NLGN4X: variants seen among roughly 807,000 people sequenced by gnomAD.
NLGN4X encodes the protein neuroligin 4 X-linked.
NLGN4X carries 3 observed loss-of-function variants against 40.3 expected under a neutral mutation model. The ratio of observed to expected loss-of-function variants is 0.07; its 90% confidence interval spans 0.03 to 0.19. The LOEUF is 0.19. NLGN4X is among the 10% of genes least tolerant of loss of function. The probability of loss-of-function intolerance (pLI) is 1.00; values close to 1 mark genes in which losing one functional copy is unlikely to be tolerated. For missense variants in NLGN4X, 382 were observed against 708.3 expected (o/e 0.54, Z 5.23); for synonymous variants, 270 against 306.8 (o/e 0.88, Z 1.25).
At position 5,903,722 on chromosome X, in the gene NLGN4X, C is replaced by T. The variant is rs780881503; in HGVS notation, c.956G>A (p.Arg319Gln). 3.4e-5 allele frequency: 41 copies of T among 1,209,804 alleles called. No homozygotes were observed. The highest frequency in any genetic ancestry group is 8.8e-5 in the South Asian group (5 of 56,776). Residue 319 changes from arginine to glutamine, a missense_variant, in exon 5 of 6, where the codon CGG (arginine) becomes CAG (glutamine). Arg to Gln is a conservative substitution (Grantham distance 43). Transcript: ENST00000381095. ...LDTTDMVECL[R>Q]NKNYKELIQQ... ...GATGAGCTCCTTGTAGTTCTTGTTC[C>T]GCAGGCATTCTACCATGTCCGTGGT...
At chrX:6,015,738 G>A (rs1002202736) in intron 3 of NLGN4X, among the ~76,000 whole-genome samples, 2 of 111,511 alleles carry the variant, frequency 1.8e-5, no homozygotes, top group African/African-American at 6.5e-5. Context: ...ATCTGTCCCG[G>A]CATCCTTATA....
At chrX:5,955,099 A>T (rs934797246) in intron 3 of NLGN4X, among the ~76,000 whole-genome samples, 1 of 112,400 alleles carries the variant, frequency 8.9e-6, no homozygotes, top group African/African-American at 3.2e-5. Flanking sequence ...ACTTCACAAT[A>T]TCGAAAGTAG....
chrX:6,083,182 T>C (rs1485414454), intron 2 of NLGN4X, among the ~76,000 whole-genome samples: 9 of 99,415 alleles, frequency 9.1e-5, no homozygotes, highest in African/African-American at 1.5e-4. Context: ...ATGGTCTTGA[T>C]CTCCTGACCT....
At position 6,105,050 on chromosome X, in the gene NLGN4X, G is replaced by A. The variant is rs2039003742; in HGVS notation, c.472+45945C>T. ...TTAATCAACATTATTTTACAAACGT[G>A]AAAGTGTATTATCTCCTTTTTTTTT... is the stretch of plus-strand genomic sequence containing the variant. On this transcript the variant is annotated intron_variant, in intron 2 of 5. Coordinates refer to ENST00000381095, the MANE Select transcript of NLGN4X (RefSeq NM_181332.3). Among the ~76,000 whole-genome samples, 4 of 106,732 alleles carry A rather than the reference G, an allele frequency of 3.7e-5. No individual in the cohort carries two copies. The Admixed American group carries it at 4.1e-4, about 11-fold the overall frequency. The allele number at this position is 106,732 out of a possible 115,157, so 92.7% of individuals were successfully genotyped here. A position where few individuals can be genotyped will look rare whatever the true frequency, so the allele number is the denominator to read the frequency against.
intron 1 of NLGN4X, among the ~76,000 whole-genome samples, chrX:6,169,306 A>G (rs1003040510): frequency 4.4e-5 from 5 of 112,955 alleles, no homozygotes; most frequent in African/African-American, 1.6e-4. Context: ...TTAACAACAC[A>G]AAGAACTACA....
intron 2 of NLGN4X, among the ~76,000 whole-genome samples, chrX:6,033,058 G>A (rs1224096131): frequency 9.0e-6 from 1 of 110,791 alleles, no homozygotes; most frequent in Admixed American, 9.6e-5. Flanking sequence ...AAATGCTAAC[G>A]TGAGTTGTTT....
intron 1 of NLGN4X, chrX:6,226,954 C>G (rs955939240): frequency 8.2e-6 from 1 of 122,526 alleles, no homozygotes; most frequent in Non-Finnish European, 1.7e-5. Context: ...CAGCCGCGGC[C>G]TTGGGGAGGG....
intron 2 of NLGN4X, among the ~76,000 whole-genome samples, chrX:6,031,916 G>A (rs2036868647): frequency 9.0e-6 from 1 of 110,986 alleles, no homozygotes; most frequent in Non-Finnish European, 1.9e-5. Flanking sequence ...AATGTGTTGA[G>A]CAATTTGGTA....
At chrX:6,079,134 T>C (rs2038281779) in intron 2 of NLGN4X, among the ~76,000 whole-genome samples, 1 of 111,757 alleles carries the variant, frequency 8.9e-6, no homozygotes, top group Non-Finnish European at 1.9e-5. Flanking sequence ...CAGGTATTTT[T>C]TATAGCAGTG....
At chrX:6,102,616 A>AACAG (rs111800558) in intron 2 of NLGN4X, among the ~76,000 whole-genome samples, 15 of 106,402 alleles carry the variant, frequency 1.4e-4, no homozygotes, top group African/African-American at 5.2e-4. Context: ...TTGCTGAACT[A>AACAG]AGAGAGAGAG....
chrX:6,156,014 A>C (rs780455322), intron 1 of NLGN4X, among the ~76,000 whole-genome samples: 8 of 112,456 alleles, frequency 7.1e-5, no homozygotes, highest in African/African-American at 2.3e-4. Flanking sequence ...TAAAAGAGGA[A>C]CTACCATTTG....
At chrX:6,034,015 T>C (rs1222730445) in intron 2 of NLGN4X, among the ~76,000 whole-genome samples, 1 of 112,543 alleles carries the variant, frequency 8.9e-6, no homozygotes, top group Non-Finnish European at 1.9e-5. Context: ...AACACTCCTC[T>C]GTTCTACATA....
intron 1 of NLGN4X, among the ~76,000 whole-genome samples, chrX:6,208,075 CTTAAA>C (rs1157274229): frequency 1.8e-5 from 2 of 111,847 alleles, no homozygotes; most frequent in African/African-American, 3.3e-5. Context: ...TTCAAACAGT[CTTAAA>C]TTTAATTTTC....
chrX:6,226,419 G>A (rs962952247), intron 1 of NLGN4X, among the ~76,000 whole-genome samples: 1 of 110,948 alleles, frequency 9.0e-6, no homozygotes, highest in South Asian at 3.8e-4. Context: ...CGTTCCCAGG[G>A]TGGCCCGGGC....
chrX:6,021,554 A>T (rs1368305286), intron 3 of NLGN4X, among the ~76,000 whole-genome samples: 2 of 110,484 alleles, frequency 1.8e-5, no homozygotes, highest in African/African-American at 6.6e-5. Context: ...CAAGCAAACG[A>T]TCATTCTGAG....
At position 6,026,105 on chromosome X, in the gene NLGN4X, A is replaced by G. The variant is rs764848865; in HGVS notation, c.625+3175T>C. Among the ~76,000 whole-genome samples, 8 of 110,108 alleles carry G rather than the reference A, an allele frequency of 7.3e-5. No homozygotes were observed. In the South Asian group the frequency reaches 2.7e-3, roughly 38 times the overall value. ...GACTTTCTCAAGGCAGAGGTAGAGGAAAGTTGTTAGCTCCTGTCTGTCTCT... is the reference window on the plus strand; with the variant it reads ...GACTTTCTCAAGGCAGAGGTAGAGGGAAGTTGTTAGCTCCTGTCTGTCTCT... On this transcript the variant is annotated intron_variant, in intron 3 of 5. Transcript: ENST00000381095.
intron 3 of NLGN4X, among the ~76,000 whole-genome samples, chrX:5,976,691 TTA>T (rs1400018628): frequency 8.9e-6 from 1 of 112,638 alleles, no homozygotes; most frequent in African/African-American, 3.2e-5. Context: ...ACACTTTATT[TTA>T]TGTTTTTCGA....
intron 2 of NLGN4X, among the ~76,000 whole-genome samples, chrX:6,068,098 G>A (rs1406879929): frequency 9.0e-6 from 1 of 111,676 alleles, no homozygotes; most frequent in East Asian, 2.8e-4. Flanking sequence ...ATATTAGTGA[G>A]GAAGCATTTG....
chrX:6,135,827 T>C (rs1175257997), intron 2 of NLGN4X, among the ~76,000 whole-genome samples: 2 of 111,783 alleles, frequency 1.8e-5, no homozygotes, highest in Non-Finnish European at 3.8e-5. Flanking sequence ...AAGTGCCAGA[T>C]TCCTAACAGC....
Sources: allele counts gnomAD v4.1 joint callset (sites outside exome capture counted in the v4.1 genomes callset), GRCh38; gene constraint gnomAD v4.1.1; transcripts MANE v1.5; gene names NCBI Gene and HGNC (gene_info 2026-07-23, HGNC 2026-07-21).